The following SYT9 variants were observed in gnomAD, a reference collection of about 807,000 sequenced individuals.
SYT9 encodes synaptotagmin 9.
SYT9 carries 22 observed loss-of-function variants against 48.4 expected under a neutral mutation model. That is an observed-to-expected ratio of 0.45 (90% confidence interval 0.32 to 0.65). The LOEUF is 0.65. Ranked by LOEUF, SYT9 falls within the 30% of genes least tolerant of loss-of-function variation. SYT9 has a pLI of 0.03. For missense variants in SYT9, 577 were observed against 622.0 expected (o/e 0.93, Z 0.77); for synonymous variants, 265 against 245.0 (o/e 1.08, Z -0.76).
chr11:7,433,765 A>G (rs918558365), intron 6 of SYT9, among the ~76,000 whole-genome samples: 2 of 152,224 alleles, frequency 1.3e-5, no homozygotes, highest in African/African-American at 4.8e-5. Context: ...ACCAGACACC[A>G]AATCAGCTAG....
chr11:7,240,916 AG>A (rs1355783987), intron 1 of SYT9, among the ~76,000 whole-genome samples: 1 of 152,156 alleles, frequency 6.6e-6, no homozygotes, highest in Non-Finnish European at 1.5e-5. Flanking sequence ...CCACACCCTC[AG>A]AAGGGGTCTA....
At chr11:7,353,798 T>G (rs1217722444) in intron 3 of SYT9, among the ~76,000 whole-genome samples, 2 of 152,246 alleles carry the variant, frequency 1.3e-5, no homozygotes, top group Non-Finnish European at 2.9e-5. Flanking sequence ...TCATAAAAAA[T>G]TTTGAGCATG....
At chr11:7,432,482 G>GGCT (rs1847594116) in intron 6 of SYT9, among the ~76,000 whole-genome samples, 1 of 146,896 alleles carries the variant, frequency 6.8e-6, no homozygotes, top group Non-Finnish European at 1.5e-5. Flanking sequence ...GGGAGGCAGA[G>GGCT]GCTGCAGTGA....
intron 1 of SYT9, among the ~76,000 whole-genome samples, chr11:7,270,540 G>A (rs1848275282): frequency 6.6e-6 from 1 of 152,122 alleles, no homozygotes; most frequent in African/African-American, 2.4e-5. Context: ...AAAAAAAATT[G>A]CATGTTTTTA....
At chr11:7,310,717 A>G (rs1335718571) in intron 2 of SYT9, among the ~76,000 whole-genome samples, 1 of 151,672 alleles carries the variant, frequency 6.6e-6, no homozygotes, top group Non-Finnish European at 1.5e-5. Context: ...AAGTGCTGGG[A>G]TTACAGGCAT....
intron 1 of SYT9, among the ~76,000 whole-genome samples, chr11:7,267,653 CA>C (rs1360500467): frequency 3.3e-5 from 5 of 150,444 alleles, no homozygotes; most frequent in Non-Finnish European, 5.9e-5. Context: ...AAAAAAAATG[CA>C]TTGAAGTTAA....
At chr11:7,450,800 A>G (rs1261445543) in intron 6 of SYT9, among the ~76,000 whole-genome samples, 1 of 152,202 alleles carries the variant, frequency 6.6e-6, no homozygotes, top group Non-Finnish European at 1.5e-5. Context: ...AGTTTTACAC[A>G]TGCCGACACA....
intron 3 of SYT9, among the ~76,000 whole-genome samples, chr11:7,408,163 C>G (rs572835035): frequency 1.3e-5 from 2 of 152,178 alleles, no homozygotes; most frequent in South Asian, 2.1e-4. Flanking sequence ...GAGTCTCGCT[C>G]TGTTGCCCAG....
intron 6 of SYT9, among the ~76,000 whole-genome samples, chr11:7,460,034 G>A (rs533984201): frequency 1.3e-5 from 2 of 152,124 alleles, no homozygotes; most frequent in Non-Finnish European, 2.9e-5. Flanking sequence ...ACTTGACGAA[G>A]CAGTCACTAA....
Position 7,287,325 on chromosome 11 carries a change from A to G in SYT9, c.146-15714A>G, listed in dbSNP as rs562339523. 3.3e-5 allele frequency among the ~76,000 whole-genome samples: 5 copies of G among 152,314 alleles called. No homozygotes were observed. The East Asian group carries it at 7.7e-4, about 24-fold the overall frequency. ...TGGAGGTAACCACCCCCATGATTCA[A>G]TTACTTCCCACTGGGTCACTCCCAT... On this transcript the variant is annotated intron_variant, in intron 1 of 6. Coordinates refer to ENST00000318881, the MANE Select transcript of SYT9 (RefSeq NM_175733.4).
At chr11:7,399,561 C>CA (rs1846838616) in intron 3 of SYT9, among the ~76,000 whole-genome samples, 1 of 152,192 alleles carries the variant, frequency 6.6e-6, no homozygotes, top group African/African-American at 2.4e-5. Context: ...CATGAGGCAG[C>CA]AGAGAAATTT....
At position 7,464,939 on chromosome 11, in the gene SYT9, T is replaced by A. The variant is rs886622192; in HGVS notation, c.1468-1853T>A. 2.0e-5 allele frequency among the ~76,000 whole-genome samples: 3 copies of A among 150,988 alleles called. No individual in the cohort carries two copies. The South Asian group carries it at 6.3e-4, about 32-fold the overall frequency. Reference sequence around the variant, plus strand: ...CTACTAAAAATACAAAAAAAAAAAATTAGCCGGGCGTGGTGGCGGGCGCCT... The same window carrying A: ...CTACTAAAAATACAAAAAAAAAAAAATAGCCGGGCGTGGTGGCGGGCGCCT... On this transcript the variant is annotated intron_variant, in intron 6 of 6. Coordinates refer to ENST00000318881, the MANE Select transcript of SYT9 (RefSeq NM_175733.4).
rs891286905 is a variant in SYT9, at chr11:7,467,720, C to G, written c.*920C>G. On this transcript the variant is annotated 3_prime_UTR_variant, in exon 7 of 7. Coordinates refer to ENST00000318881, the MANE Select transcript of SYT9 (RefSeq NM_175733.4). Reference sequence around the variant, plus strand: ...CATGGAGAGAGAACACAGCCATCCCCTATAGAAAGGCACAGCTTTTGGGCT... The same window carrying G: ...CATGGAGAGAGAACACAGCCATCCCGTATAGAAAGGCACAGCTTTTGGGCT... The G allele has an allele frequency of 1.3e-5, 2 of 152,372 alleles. No individual in the cohort carries two copies. The highest frequency in any genetic ancestry group is 4.8e-5 in the African/African-American group (2 of 41,454). The allele number at this position is 152,372 out of a possible 1,614,324, so 9.4% of individuals were successfully genotyped here. A position where few individuals can be genotyped will look rare whatever the true frequency, so the allele number is the denominator to read the frequency against.
At chr11:7,379,693 A>G (rs1850524467) in intron 3 of SYT9, among the ~76,000 whole-genome samples, 1 of 152,032 alleles carries the variant, frequency 6.6e-6, no homozygotes, top group African/African-American at 2.4e-5. Flanking sequence ...ATTACTCCTT[A>G]TGTAATCCTG....
At chr11:7,464,923 A>G (rs1268064879) in intron 6 of SYT9, among the ~76,000 whole-genome samples, 1 of 151,776 alleles carries the variant, frequency 6.6e-6, no homozygotes. Context: ...TCTACTAAAA[A>G]TACAAAAAAA....
chr11:7,360,106 G>T (rs904381676), intron 3 of SYT9, among the ~76,000 whole-genome samples: 22 of 152,022 alleles, frequency 1.4e-4, no homozygotes, highest in Non-Finnish European at 2.9e-4. Flanking sequence ...TATTAAATAG[G>T]GAATCCTTTC....
intron 3 of SYT9, among the ~76,000 whole-genome samples, chr11:7,358,370 T>A (rs1473344840): frequency 6.6e-6 from 1 of 152,186 alleles, no homozygotes; most frequent in African/African-American, 2.4e-5. Context: ...ATTAAATTAG[T>A]TTGCAGATTC....
At chr11:7,375,298 C>A (rs1471716708) in intron 3 of SYT9, among the ~76,000 whole-genome samples, 1 of 152,150 alleles carries the variant, frequency 6.6e-6, no homozygotes, top group Non-Finnish European at 1.5e-5. Context: ...GTACCAGTAC[C>A]ATGCTGTTTT....
At chr11:7,447,990 C>A (rs935645544) in intron 6 of SYT9, among the ~76,000 whole-genome samples, 2 of 152,158 alleles carry the variant, frequency 1.3e-5, no homozygotes, top group Admixed American at 1.3e-4. Context: ...GAAGATTGCA[C>A]GTTCAAATGT....
Sources: gnomAD v4.1 joint callset for allele counts (sites outside exome capture counted in the v4.1 genomes callset) on GRCh38, gnomAD v4.1.1 for gene constraint, MANE v1.5 for transcripts, NCBI Gene and HGNC (gene_info 2026-07-23, HGNC 2026-07-21) for gene names.